Variants in SOBP observed in about 807,000 individuals in gnomAD.
SOBP encodes the protein sine oculis binding protein homolog, also known as sine oculis-binding protein homolog.
A neutral mutation model predicts 53.6 loss-of-function variants in SOBP; 4 were observed. The ratio of observed to expected loss-of-function variants is 0.07; its 90% CI spans 0.04 to 0.17. The LOEUF is 0.17. Ranked by LOEUF, SOBP falls within the 10% of genes least tolerant of loss-of-function variation. The pLI, the probability that SOBP is intolerant of heterozygous loss-of-function variation, is 1.00. For synonymous variants in SOBP, 584 were observed against 522.6 expected (o/e 1.12, Z -1.60); for missense variants, 1,088 against 1,204.7 (o/e 0.90, Z 1.43).
chr6:107,619,548 A>G (rs538500763), intron 5 of SOBP, among the ~76,000 whole-genome samples: 4 of 152,174 alleles, frequency 2.6e-5, no homozygotes, highest in Admixed American at 2.6e-4. Context: ...GTTTCTCAGC[A>G]TATACTTTAG....
chr6:107,614,622 C>T (rs1055854630), intron 5 of SOBP, among the ~76,000 whole-genome samples: 14 of 152,140 alleles, frequency 9.2e-5, no homozygotes, highest in Admixed American at 7.2e-4. Context: ...AGTGAGTTCC[C>T]CGTTGGCAGA....
Position 107,490,577 on chromosome 6 carries a change from C to T in SOBP, c.-40C>T. The T allele has an allele frequency of 1.1e-5, 16 of 1,498,214 alleles. No homozygotes were observed. Among genetic ancestry groups the T allele is most frequent in the Non-Finnish European group, 1.5e-5 (16 of 1,093,206 alleles). 92.8% of individuals were successfully genotyped at this position (1,498,214 alleles called of 1,614,324 possible). ...CCGCCACCACCACCGCCGGCGGCGGCAGCAGCCATTTCATCTCCACAGAAA... is the reference window on the plus strand; with the variant it reads ...CCGCCACCACCACCGCCGGCGGCGGTAGCAGCCATTTCATCTCCACAGAAA... On this transcript the variant is annotated 5_prime_UTR_variant, in exon 1 of 7. Transcript: ENST00000317357.
At chr6:107,492,663 G>A (rs1782608576) in intron 1 of SOBP, among the ~76,000 whole-genome samples, 1 of 152,184 alleles carries the variant, frequency 6.6e-6, no homozygotes, top group Non-Finnish European at 1.5e-5. Context: ...ACAATTTTTA[G>A]CCGATGCTGC....
Position 107,635,525 on chromosome 6 carries a change from C to G in SOBP, c.*3+56C>G, listed in dbSNP as rs1771005212. The G allele has an allele frequency of 3.7e-6, 6 of 1,601,998 alleles. No homozygotes were observed. In the East Asian group the frequency reaches 1.3e-4, roughly 36 times the overall value. On this transcript the variant is annotated intron_variant, in intron 6 of 6. Transcript: ENST00000317357. This position sits in a 1 kb window ranked among gnomAD's most constrained non-coding sequence, Gnocchi z 4.5. ...CCAGCCAGTGCACCTCTCCTTACTT[C>G]TGACAAGGCAGAGGGGAGAGTTGTA...
rs1228318768 is a variant in SOBP, at chr6:107,635,828, G to C, written c.*3+359G>C. Among the ~76,000 whole-genome samples the C allele has an allele frequency of 6.6e-6, 1 of 152,172 alleles. No homozygotes were observed. The highest frequency in any genetic ancestry group is 1.5e-5 in the Non-Finnish European group (1 of 68,022). On this transcript the variant is annotated intron_variant, in intron 6 of 6. Coordinates refer to ENST00000317357, the MANE Select transcript of SOBP (RefSeq NM_018013.4). The surrounding 1 kb of genome is among the most constrained non-coding windows in gnomAD (Gnocchi z 4.5). ...TCACCCTATTGGAGAAGAGGAGGAT[G>C]GGGGGAGGGAGAAGAGATTAACTTG...
chr6:107,608,016 T>C lies in SOBP; in HGVS notation c.669+20841T>C, dbSNP rs374106367. ...ACAAAATTCCACTATTAGAGGTTAC[T>C]TTCTTTGGGTTGTGAATGCCATCTA... On this transcript the variant is annotated intron_variant, in intron 5 of 6. Transcript: ENST00000317357. Among the ~76,000 whole-genome samples, 6 of 152,218 alleles carry C rather than the reference T, an allele frequency of 3.9e-5. No homozygotes were observed. In the East Asian group the frequency reaches 7.7e-4, roughly 20 times the overall value.
At chr6:107,564,310 A>G (rs1784855981) in intron 4 of SOBP, among the ~76,000 whole-genome samples, 2 of 152,164 alleles carry the variant, frequency 1.3e-5, no homozygotes, top group Admixed American at 6.5e-5. Context: ...TGTAGTTTCA[A>G]TGCTAGGAAG....
intron 3 of SOBP, among the ~76,000 whole-genome samples, chr6:107,529,163 A>T: frequency 2.0e-5 from 3 of 152,356 alleles, no homozygotes; most frequent in Admixed American, 2.0e-4. Flanking sequence ...AGAAACTTTA[A>T]GTTAGATTGC....
intron 6 of SOBP, among the ~76,000 whole-genome samples, chr6:107,650,380 G>A (rs760655989): frequency 6.6e-6 from 1 of 152,190 alleles, no homozygotes; most frequent in African/African-American, 2.4e-5. Flanking sequence ...ATCATGCTTC[G>A]CTTTATTACG....
chr6:107,540,985 T>TA (rs1784132612), intron 4 of SOBP, among the ~76,000 whole-genome samples: 1 of 152,222 alleles, frequency 6.6e-6, no homozygotes, highest in South Asian at 2.1e-4. Context: ...GCTCAAGAAT[T>TA]ATATTTGTTC....
At chr6:107,536,007 C>T (rs1263933912) in intron 4 of SOBP, among the ~76,000 whole-genome samples, 1 of 152,138 alleles carries the variant, frequency 6.6e-6, no homozygotes, top group Non-Finnish European at 1.5e-5. Flanking sequence ...GGGCAAAATT[C>T]TTCCCATTCC....
At chr6:107,579,212 G>A (rs1227432687) in intron 4 of SOBP, among the ~76,000 whole-genome samples, 3 of 152,144 alleles carry the variant, frequency 2.0e-5, no homozygotes, top group Non-Finnish European at 4.4e-5. Flanking sequence ...ATAATCCAGT[G>A]TCGATTAAGC....
At chr6:107,554,884 CTG>C (rs1051759131) in intron 4 of SOBP, among the ~76,000 whole-genome samples, 3 of 152,110 alleles carry the variant, frequency 2.0e-5, no homozygotes, top group African/African-American at 7.2e-5. Flanking sequence ...GGTGGAGAAA[CTG>C]TTATTCTGTG....
chr6:107,611,929 C>G (rs1332006920), intron 5 of SOBP, among the ~76,000 whole-genome samples: 1 of 152,122 alleles, frequency 6.6e-6, no homozygotes, highest in Non-Finnish European at 1.5e-5. Context: ...AGCAGTTTAC[C>G]AGACCCCAAA....
At chr6:107,580,667 G>T (rs985761214) in intron 4 of SOBP, among the ~76,000 whole-genome samples, 2 of 152,200 alleles carry the variant, frequency 1.3e-5, no homozygotes, top group Admixed American at 6.5e-5. Flanking sequence ...ATGAGAATTT[G>T]TTGGGCAAAG....
intron 1 of SOBP, among the ~76,000 whole-genome samples, chr6:107,493,388 T>G (rs1375372549): frequency 6.6e-6 from 1 of 151,862 alleles, no homozygotes; most frequent in African/African-American, 2.4e-5. Context: ...AGCCCCCACC[T>G]CGGATCACAT....
intron 4 of SOBP, among the ~76,000 whole-genome samples, chr6:107,576,910 G>GT (rs1200960551): frequency 6.6e-6 from 1 of 152,172 alleles, no homozygotes; most frequent in Non-Finnish European, 1.5e-5. Context: ...AATAACAATT[G>GT]TGACATCATG....
At chr6:107,622,622 T>C (rs1339704145) in intron 5 of SOBP, among the ~76,000 whole-genome samples, 1 of 152,178 alleles carries the variant, frequency 6.6e-6, no homozygotes, top group African/African-American at 2.4e-5. Context: ...CTTGGCAGTG[T>C]CTTGTGCCTA....
At chr6:107,572,285 A>G (rs1290682144) in intron 4 of SOBP, among the ~76,000 whole-genome samples, 1 of 151,712 alleles carries the variant, frequency 6.6e-6, no homozygotes. Flanking sequence ...TAAGAAAATA[A>G]TAGCTGCAAA....
Sources: allele counts gnomAD v4.1 joint callset (sites outside exome capture counted in the v4.1 genomes callset), GRCh38; gene constraint gnomAD v4.1.1; non-coding constraint Gnocchi (gnomAD v3.1); transcripts MANE v1.5; gene names NCBI Gene and HGNC (gene_info 2026-07-23, HGNC 2026-07-21).